Variants in ARL6IP4 observed in about 807,000 individuals in gnomAD.
ARL6IP4 encodes ADP-ribosylation factor-like protein 6-interacting protein 4.
In ARL6IP4, 24 loss-of-function variants were observed where a neutral mutation model predicts 28.1. The observed-to-expected ratio is 0.86, with a 90% CI of 0.62 to 1.20. The LOEUF (loss-of-function observed/expected upper bound fraction) is 1.20. Ranked by LOEUF, ARL6IP4 falls within the 50% of genes most tolerant of loss-of-function variation. ARL6IP4 has a pLI of 0.00. For missense variants in ARL6IP4, 343 were observed against 302.4 expected (o/e 1.13, Z -1.00); for synonymous variants, 162 against 122.3 (o/e 1.32, Z -2.14).
At position 122,981,729 on chromosome 12, in the gene ARL6IP4, T is replaced by C. The variant is rs1165742527; in HGVS notation, c.319T>C (p.Tyr107His). The stretch of plus-strand genomic sequence containing the variant: ...TGATGGCCGGAAGAAGCGGGGGAAG[T>C]ACAAGGACAAGAGGAGGAAGAAGAA... ...SSDGRKKRGKYKDKRRKKKKK... is the reference protein window; with the variant it reads ...SSDGRKKRGKHKDKRRKKKKK... Residue 107 changes from tyrosine (Y) to histidine (H), a missense_variant, in exon 3 of 6, where the codon TAC becomes CAC. Coordinates refer to ENST00000315580, the MANE Select transcript of ARL6IP4 (RefSeq NM_018694.4). 1 of 1,552,568 alleles carries C rather than the reference T, an allele frequency of 6.4e-7. No homozygotes were observed. The highest frequency in any genetic ancestry group is 8.7e-7 in the Non-Finnish European group (1 of 1,147,810).
At position 122,982,080 on chromosome 12, in the gene ARL6IP4, G is replaced by A. The variant is rs768322197; in HGVS notation, c.587+6G>A. 5 of 1,613,132 alleles carry A rather than the reference G, an allele frequency of 3.1e-6. No individual in the cohort carries two copies. The highest frequency in any genetic ancestry group is 4.2e-6 in the Non-Finnish European group (5 of 1,179,784). ...CCTGAGACGGGGCGCACCAGGTGGGGAGCTTTCGGCCTGACTTACACCACA... is the reference window on the plus strand; with the variant it reads ...CCTGAGACGGGGCGCACCAGGTGGGAAGCTTTCGGCCTGACTTACACCACA... On this transcript the variant is annotated splice_donor_region_variant and intron_variant, in intron 4 of 5. Coordinates refer to ENST00000315580, the MANE Select transcript of ARL6IP4 (RefSeq NM_018694.4).
chr12:122,982,154 C>G, intron 4 of ARL6IP4, 80 bp downstream of exon 4: 1 of 1,516,462 alleles, frequency 6.6e-7, no homozygotes, highest in East Asian at 2.3e-5. Flanking sequence ...AGGAGTGGGG[C>G]CGGGCGGGGT....
rs1288112986 is a variant in ARL6IP4 at position 122,981,812 on chromosome 12, G to A, written c.402G>A (p.Val134=). ...AGGAGAAGGCGGAAGCACAGCAGGT[G>A]GAGGCTCTGCCGGGCCCCTCGCTGG... The part of the protein sequence containing the change: ...KGKEKAEAQQ[V]EALPGPSLDQ... Residue 134 remains valine (V), a synonymous_variant, in exon 3 of 6, where the codon GTG becomes GTA. Transcript: ENST00000315580. 1 of 1,605,376 alleles carries A rather than the reference G, an allele frequency of 6.2e-7. No individual in the cohort carries two copies. The highest frequency in any genetic ancestry group is 8.5e-7 in the Non-Finnish European group (1 of 1,176,056).
rs1452810634 is a variant in ARL6IP4, at chr12:122,981,638, C to T, written c.228C>T (p.Ser76=). Residue 76 remains serine (S), a synonymous_variant, in exon 3 of 6, where the codon TCC becomes TCT. Coordinates refer to ENST00000315580, the MANE Select transcript of ARL6IP4 (RefSeq NM_018694.4). ...QKARRRTRSS[S]SSSSSSSSSS... The stretch of plus-strand genomic sequence containing the variant: ...CCCGGAGGAGAACAAGATCCAGCTC[C>T]TCCTCCTCTTCTTCCAGTTCTTCTA... 1.6e-5 allele frequency: 25 copies of T among 1,560,132 alleles called. No homozygotes were observed. The highest frequency in any genetic ancestry group is 1.7e-5 in the Non-Finnish European group (20 of 1,153,090).
intron 2 of ARL6IP4, 89 bp downstream of exon 2, chr12:122,981,388 CT>C: frequency 1.4e-6 from 2 of 1,463,302 alleles, no homozygotes; most frequent in Non-Finnish European, 1.8e-6. Flanking sequence ...AGTCATGCCT[CT>C]GTGCAGCCGG....
intron 4 of ARL6IP4, 46 bp from the exon 5 acceptor site, chr12:122,982,423 G>C: frequency 6.5e-7 from 1 of 1,549,582 alleles, no homozygotes; most frequent in Non-Finnish European, 8.8e-7. Flanking sequence ...TCTGGCATTA[G>C]GGGACCTGCC....
rs1257472371 is a variant in ARL6IP4, at chr12:122,981,646, C to G, written c.236C>G (p.Ser79Cys). ...RRRTRSSSSSSSSSSSSSSSS... is the reference protein window; with the variant it reads ...RRRTRSSSSSCSSSSSSSSSS... ...AGAACAAGATCCAGCTCCTCCTCCT[C>G]TTCTTCCAGTTCTTCTAGCTCCTCT... is the stretch of plus-strand genomic sequence containing the variant. Residue 79 changes from serine (S) to cysteine (C), a missense_variant, in exon 3 of 6, where the codon TCT becomes TGT. Ser to Cys is a moderately radical substitution (Grantham distance 112). Coordinates refer to ENST00000315580, the MANE Select transcript of ARL6IP4 (RefSeq NM_018694.4). The G allele has an allele frequency of 6.4e-7, 1 of 1,558,794 alleles. No individual in the cohort carries two copies. Among genetic ancestry groups the G allele is most frequent in the Non-Finnish European group, 8.7e-7 (1 of 1,152,036 alleles).
upstream of ARL6IP4, chr12:122,980,328 G>A (rs2037584257): frequency 3.1e-6 from 4 of 1,301,568 alleles, no homozygotes. Flanking sequence ...TGCGACCTCT[G>A]AGTCACTGGG....
At chr12:122,982,379 G>T in intron 4 of ARL6IP4, 90 bp from the exon 5 acceptor site, 2 of 1,301,050 alleles carry the variant, frequency 1.5e-6, no homozygotes, top group Non-Finnish European at 2.2e-6. Context: ...GGGAGCCCTG[G>T]GACCCCTCTG....
chr12:122,982,090 C>T lies in ARL6IP4; in HGVS notation c.587+16C>T, dbSNP rs2037700139. The T allele has an allele frequency of 3.1e-6, 5 of 1,610,398 alleles. No homozygotes were observed. The East Asian group carries it at 1.1e-4, about 36-fold the overall frequency. On this transcript the variant is annotated intron_variant, in intron 4 of 5. Transcript: ENST00000315580. ...GGCGCACCAGGTGGGGAGCTTTCGGCCTGACTTACACCACAGGATCTGGGA... is the reference window on the plus strand; with the variant it reads ...GGCGCACCAGGTGGGGAGCTTTCGGTCTGACTTACACCACAGGATCTGGGA...
At position 122,981,968 on chromosome 12, in the gene ARL6IP4, GAGC is replaced by G; in HGVS notation, c.484_486del (p.Gln162del). 1 of 1,613,776 alleles carries G rather than the reference GAGC, an allele frequency of 6.2e-7. No homozygotes were observed. Among genetic ancestry groups the G allele is most frequent in the Non-Finnish European group, 8.5e-7 (1 of 1,180,028 alleles). On this transcript the variant is annotated inframe_deletion, in exon 4 of 6. Transcript: ENST00000315580. Reference sequence around the variant, plus strand: ...GTCTTCCCTTCCAGTCCTGACGGATGAGCAGAAGTCCCGAATCCAGGCCATGAA... The same window carrying G: ...GTCTTCCCTTCCAGTCCTGACGGATGAGAAGTCCCGAATCCAGGCCATGAA...
In ARL6IP4 at chr12:122,982,851, T is replaced by G; in HGVS notation, c.*175T>G. 1 of 647,478 alleles carries G rather than the reference T, an allele frequency of 1.5e-6. No homozygotes were observed. The highest frequency in any genetic ancestry group is 2.7e-6 in the Non-Finnish European group (1 of 374,058). 40.1% of individuals were successfully genotyped at this position (647,478 alleles called of 1,614,324 possible). A position where few individuals can be genotyped will look rare whatever the true frequency, so the allele number is the denominator to read the frequency against. ...GTGGAGGTTGGGGTCACCGGCCTGC[T>G]TGGCACCCCCATCTGAAAGAGCAGC... On this transcript the variant is annotated 3_prime_UTR_variant, in exon 6 of 6. Transcript: ENST00000315580.
intron 1 of ARL6IP4, 127 bp downstream of exon 1, chr12:122,980,872 A>T (rs2037614340): frequency 7.4e-7 from 1 of 1,346,104 alleles, no homozygotes; most frequent in African/African-American, 1.5e-5. Context: ...GCCAGTTCCC[A>T]GGGGTTTGGA....
In ARL6IP4 at chr12:122,982,449, G is replaced by A. The variant is rs373086289; in HGVS notation, c.588-20G>A. 22 of 1,603,944 alleles carry A rather than the reference G, an allele frequency of 1.4e-5. No homozygotes were observed. Among genetic ancestry groups the A allele is most frequent in the Admixed American group, 3.4e-5 (2 of 58,552 alleles). ...GGGACCTGCCTATTCCTTGCTGAACGGAGACCCTCCCACCCCCAGGCTTAT... is the reference window on the plus strand; with the variant it reads ...GGGACCTGCCTATTCCTTGCTGAACAGAGACCCTCCCACCCCCAGGCTTAT... On this transcript the variant is annotated intron_variant, in intron 4 of 5. Coordinates refer to ENST00000315580, the MANE Select transcript of ARL6IP4 (RefSeq NM_018694.4).
chr12:122,982,090 CCTGA>C lies in ARL6IP4; in HGVS notation c.587+19_587+22del. 6.2e-7 allele frequency: 1 copy of C among 1,610,398 alleles called. No homozygotes were observed. The highest frequency in any genetic ancestry group is 8.5e-7 in the Non-Finnish European group (1 of 1,177,428). ...GGCGCACCAGGTGGGGAGCTTTCGG[CCTGA>C]CTTACACCACAGGATCTGGGAGTGT... On this transcript the variant is annotated intron_variant, in intron 4 of 5. Transcript: ENST00000315580.
rs2136002388 is a variant in ARL6IP4, at chr12:122,982,706, A to G, written c.*30A>G. On this transcript the variant is annotated 3_prime_UTR_variant, in exon 6 of 6. Coordinates refer to ENST00000315580, the MANE Select transcript of ARL6IP4 (RefSeq NM_018694.4). ...CCCCGCTGGCCAAGGCCTGTGGACG[A>G]CGCTGGCGGCCCAGCCTGGGCAGGT... The G allele has an allele frequency of 6.2e-7, 1 of 1,606,946 alleles. No individual in the cohort carries two copies. The highest frequency in any genetic ancestry group is 1.1e-5 in the South Asian group (1 of 90,892).
At position 122,981,285 on chromosome 12, in the gene ARL6IP4, C is replaced by T; in HGVS notation, c.146C>T (p.Ala49Val). 37 of 1,548,046 alleles carry T rather than the reference C, an allele frequency of 2.4e-5. No individual in the cohort carries two copies. Among genetic ancestry groups the T allele is most frequent in the Non-Finnish European group, 3.2e-5 (37 of 1,145,588 alleles). ...STSQGRKAST[A>V]PGAEASPSPC... ...TCCCAAGGTCGCAAGGCCAGCACGGCCCCTGGGGCGGAGGGTGAGGACCAC... is the reference window on the plus strand; with the variant it reads ...TCCCAAGGTCGCAAGGCCAGCACGGTCCCTGGGGCGGAGGGTGAGGACCAC... The change falls in exon 2 of 6, where the codon GCC (alanine) becomes GTC (valine). Residue 49 changes from alanine (A) to valine (V), a missense_variant. Coordinates refer to ENST00000315580, the MANE Select transcript of ARL6IP4 (RefSeq NM_018694.4).
chr12:122,982,891 A>G lies in ARL6IP4; in HGVS notation c.*215A>G, dbSNP rs559755544. Reference sequence around the variant, plus strand: ...GAAAGAGCAGCACTTCTCAGCTATTAAAGGCCCCCTGGATAGACTTTCTCT... The same window carrying G: ...GAAAGAGCAGCACTTCTCAGCTATTGAAGGCCCCCTGGATAGACTTTCTCT... On this transcript the variant is annotated 3_prime_UTR_variant, in exon 6 of 6. Coordinates refer to ENST00000315580, the MANE Select transcript of ARL6IP4 (RefSeq NM_018694.4). 83 of 604,666 alleles carry G rather than the reference A, an allele frequency of 1.4e-4. No homozygotes were observed. The South Asian group carries it at 1.6e-3, about 12-fold the overall frequency. The allele number at this position is 604,666 out of a possible 1,614,324, so 37.5% of individuals were successfully genotyped here.
intron 2 of ARL6IP4, 79 bp downstream of exon 2, chr12:122,981,378 A>G: frequency 6.8e-7 from 1 of 1,478,160 alleles, no homozygotes; most frequent in East Asian, 2.5e-5. Flanking sequence ...GGGGACGCTC[A>G]GTCATGCCTC....
Sources: allele counts gnomAD v4.1 joint callset, GRCh38; gene constraint gnomAD v4.1.1; transcripts MANE v1.5; gene names NCBI Gene and HGNC (gene_info 2026-07-23, HGNC 2026-07-21).